The following SFI1 variants were observed in gnomAD, a reference collection of about 807,000 sequenced individuals.
SFI1 encodes protein SFI1 homolog.
Under a neutral mutation model 207.5 loss-of-function variants are expected in SFI1, and 195 were observed. That is an observed-to-expected ratio of 0.94 (90% confidence interval 0.84 to 1.06). The LOEUF is 1.06. Among genes scored for constraint, SFI1 ranks in the 50% least tolerant of loss-of-function variants. The pLI is 0.00. For missense variants in SFI1, 1,634 were observed against 1,588.0 expected (o/e 1.03, Z -0.49); for synonymous variants, 630 against 598.9 (o/e 1.05, Z -0.76).
intron 15 of SFI1, among the ~76,000 whole-genome samples, chr22:31,593,263 C>T (rs1411629209): frequency 1.4e-5 from 2 of 147,348 alleles, no homozygotes; most frequent in African/African-American, 2.5e-5. Flanking sequence ...GGCAGAGGGT[C>T]TCCTCACTTC....
In SFI1 at chr22:31,578,385, T is replaced by A; in HGVS notation, c.1088T>A (p.Met363Lys). The change falls in exon 11 of 33, where the codon ATG becomes AAG. Residue 363 changes from methionine (M) to lysine (K), a missense_variant. Met to Lys is a moderately conservative substitution (Grantham distance 95). Coordinates refer to ENST00000400288, the MANE Select transcript of SFI1 (RefSeq NM_001007467.3). ...GGAGGCCTTCACTTCCTGGCAGACA[T>A]GCTGCTGTGTGCAGAAGAAGCTGCC... ...RRAFTHWKHY[M>K]LLCAEEAAQF... The A allele has an allele frequency of 6.2e-7, 1 of 1,613,308 alleles. No individual in the cohort carries two copies. The highest frequency in any genetic ancestry group is 8.5e-7 in the Non-Finnish European group (1 of 1,179,480).
In SFI1 at chr22:31,615,216, C is replaced by A; in HGVS notation, c.3237C>A (p.Gly1079=). Residue 1079 remains glycine, a synonymous_variant, in exon 29 of 33, where the codon GGC becomes GGA. Coordinates refer to ENST00000400288, the MANE Select transcript of SFI1 (RefSeq NM_001007467.3). ...GPKQPPTAST[G]PELLLLPLSS... ...AGCAGCCCCCGACGGCAAGCACAGGCCCGGAGCTGCTGCTGCTGCCTCTTT... is the reference window on the plus strand; with the variant it reads ...AGCAGCCCCCGACGGCAAGCACAGGACCGGAGCTGCTGCTGCTGCCTCTTT... 3 of 1,558,436 alleles carry A rather than the reference C, an allele frequency of 1.9e-6. No individual in the cohort carries two copies. In the South Asian group the frequency reaches 3.5e-5, roughly 18 times the overall value.
At chr22:31,563,424 A>G (rs1243852279) in intron 8 of SFI1, among the ~76,000 whole-genome samples, 5 of 152,172 alleles carry the variant, frequency 3.3e-5, no homozygotes, top group Admixed American at 3.3e-4. Context: ...CTGACTGTGA[A>G]TATAGGGAAA....
intron 8 of SFI1, among the ~76,000 whole-genome samples, chr22:31,568,213 TATATATATATA>T (rs2062570708): frequency 7.3e-6 from 1 of 136,082 alleles, no homozygotes; most frequent in African/African-American, 2.9e-5. Context: ...TGTGTGTGTA[TATATATATATA>T]TATTTTTTTT....
chr22:31,613,394 G>A lies in SFI1; in HGVS notation c.2606G>A (p.Arg869Lys). 1 of 1,611,760 alleles carries A rather than the reference G, an allele frequency of 6.2e-7. No homozygotes were observed. Among genetic ancestry groups the A allele is most frequent in the Non-Finnish European group, 8.5e-7 (1 of 1,179,682 alleles). The change falls in exon 26 of 33, where the codon AGA (arginine) becomes AAA (lysine). Residue 869 changes from arginine (R) to lysine (K), a missense_variant. Transcript: ENST00000400288. ...TWLAFVLERR[R>K]KKARLQWALQ... ...CTGGCCTTTGTACTGGAAAGGAGGAGAAAGAAGGCGCGGCTGCAGTGGGCG... is the reference window on the plus strand; with the variant it reads ...CTGGCCTTTGTACTGGAAAGGAGGAAAAAGAAGGCGCGGCTGCAGTGGGCG...
Position 31,531,723 on chromosome 22 carries a change from G to C in SFI1, c.338+594G>C, listed in dbSNP as rs566010532. On this transcript the variant is annotated intron_variant, in intron 4 of 32. Transcript: ENST00000400288. Reference sequence around the variant, plus strand: ...AGCCTGACCAACATGGAGAAACCCCGTCTCTACTAAAAATACAAAATTAGC... The same window carrying C: ...AGCCTGACCAACATGGAGAAACCCCCTCTCTACTAAAAATACAAAATTAGC... 3.3e-5 allele frequency among the ~76,000 whole-genome samples: 5 copies of C among 152,186 alleles called. No homozygotes were observed. The East Asian group carries it at 9.7e-4, about 29-fold the overall frequency.
intron 17 of SFI1, among the ~76,000 whole-genome samples, chr22:31,603,092 C>T (rs369848909): frequency 2.0e-5 from 3 of 152,108 alleles, no homozygotes; most frequent in South Asian, 2.1e-4. Context: ...ATTAGCCAGG[C>T]GTGGTGGCGC....
chr22:31,511,464 G>GT (rs758898165), intron 2 of SFI1, among the ~76,000 whole-genome samples: 1,777 of 114,414 alleles, frequency 0.016, 83 homozygotes, highest in Admixed American at 0.061. Flanking sequence ...CATAGTTTCT[G>GT]TTTTTTTTTT....
At chr22:31,552,245 G>A (rs1046514632) in intron 6 of SFI1, among the ~76,000 whole-genome samples, 9 of 151,904 alleles carry the variant, frequency 5.9e-5, no homozygotes, top group African/African-American at 2.2e-4. Flanking sequence ...ATTCCATGGT[G>A]TGTATTTTCT....
At chr22:31,511,950 G>C (rs1159724319) in intron 2 of SFI1, among the ~76,000 whole-genome samples, 1 of 152,078 alleles carries the variant, frequency 6.6e-6, no homozygotes, top group Non-Finnish European at 1.5e-5. Context: ...CCGTGCCCCA[G>C]CCTTAGGTGT....
At chr22:31,566,328 A>C (rs1014311448) in intron 8 of SFI1, among the ~76,000 whole-genome samples, 3 of 151,946 alleles carry the variant, frequency 2.0e-5, no homozygotes, top group Non-Finnish European at 4.4e-5. Flanking sequence ...CCTTACCTCA[A>C]GTGATCCGCC....
intron 2 of SFI1, chr22:31,521,597 A>G (rs749841307): frequency 6.6e-6 from 1 of 152,048 alleles, no homozygotes; most frequent in Non-Finnish European, 1.5e-5. Context: ...CACCCTTGCA[A>G]ATTCTGTCAA....
intron 8 of SFI1, 53 bp downstream of exon 8, chr22:31,561,445 C>G (rs1290199642): frequency 1.3e-6 from 2 of 1,508,086 alleles, no homozygotes; most frequent in Non-Finnish European, 1.8e-6. Context: ...TGTCAAGCCT[C>G]TCACCCACAG....
intron 8 of SFI1, among the ~76,000 whole-genome samples, chr22:31,568,139 T>G (rs2062514390): frequency 1.3e-5 from 2 of 150,574 alleles, no homozygotes; most frequent in Non-Finnish European, 3.0e-5. Flanking sequence ...AATATCAATA[T>G]GGACTCTCTC....
chr22:31,593,483 C>G (rs1395364941), intron 15 of SFI1, among the ~76,000 whole-genome samples: 1 of 137,676 alleles, frequency 7.3e-6, no homozygotes, highest in African/African-American at 2.7e-5. Context: ...GGGATGGCGG[C>G]CGGGTGGAGA....
rs752130736 is a variant in SFI1 at position 31,613,765 on chromosome 22, A to C, written c.2906A>C (p.Asp969Ala). 4 of 1,612,772 alleles carry C rather than the reference A, an allele frequency of 2.5e-6. No individual in the cohort carries two copies. The African/African-American group carries it at 5.3e-5, about 22-fold the overall frequency. Residue 969 changes from aspartate (D) to alanine (A), a missense_variant, in exon 27 of 33, where the codon GAT (aspartate) becomes GCT (alanine). Coordinates refer to ENST00000400288, the MANE Select transcript of SFI1 (RefSeq NM_001007467.3). ...AACCGCATTGCTGCTGGGGCTGGGG[A>C]TGGCACCCTTGAGACCAAGAGGCCA... Reference protein sequence around the residue: ...LLNRIAAGAGDGTLETKRPQA... With the variant: ...LLNRIAAGAGAGTLETKRPQA...
At chr22:31,598,189 G>A (rs561604712) in intron 15 of SFI1, among the ~76,000 whole-genome samples, 22 of 151,218 alleles carry the variant, frequency 1.5e-4, no homozygotes, top group Non-Finnish European at 2.7e-4. Flanking sequence ...GTTTCACTGT[G>A]TTAGCCAGAA....
intron 2 of SFI1, among the ~76,000 whole-genome samples, chr22:31,511,501 C>T (rs1312401367): frequency 7.9e-6 from 1 of 127,030 alleles, no homozygotes; most frequent in South Asian, 2.6e-4. Flanking sequence ...TGGAGTTCTG[C>T]TCTGTCGCTC....
intron 17 of SFI1, 109 bp from the exon 18 acceptor site, chr22:31,603,635 C>A: frequency 1.1e-6 from 1 of 874,558 alleles, no homozygotes; most frequent in Non-Finnish European, 1.6e-6. Context: ...AGGGTCTTGG[C>A]TCCCCCAAAA....
Sources: gnomAD v4.1 joint callset for allele counts (sites outside exome capture counted in the v4.1 genomes callset) on GRCh38, gnomAD v4.1.1 for gene constraint, MANE v1.5 for transcripts, NCBI Gene and HGNC (gene_info 2026-07-23, HGNC 2026-07-21) for gene names.